Variants in ZNF215 observed in about 807,000 individuals in gnomAD.
The protein encoded by ZNF215 is zinc finger protein 215, also known as BWSCR2-associated zinc finger protein 2.
In ZNF215, 24 loss-of-function variants were observed where a neutral mutation model predicts 27.2. That is an observed-to-expected ratio of 0.88 (90% CI 0.64 to 1.24). The LOEUF is 1.24. Ranked by LOEUF, ZNF215 falls within the 50% of genes most tolerant of loss-of-function variation. The pLI, the probability that ZNF215 is intolerant of heterozygous loss-of-function variation, is 0.00. For missense variants in ZNF215, 675 were observed against 605.7 expected (o/e 1.11, Z -1.20); for synonymous variants, 210 against 204.0 (o/e 1.03, Z -0.25).
At chr11:6,947,829 T>A (rs529095022) in intron 6 of ZNF215, among the ~76,000 whole-genome samples, 4 of 152,324 alleles carry the variant, frequency 2.6e-5, no homozygotes, top group South Asian at 4.1e-4. Context: ...AGGGCTCAAA[T>A]GGGATGGAAT....
chr11:6,930,621 A>G (rs770826684), intron 2 of ZNF215, among the ~76,000 whole-genome samples: 7 of 152,224 alleles, frequency 4.6e-5, no homozygotes, highest in African/African-American at 1.2e-4. Flanking sequence ...AGGCATTGCC[A>G]TGGACAAGGT....
intron 3 of ZNF215, 67 bp from the exon 4 acceptor site, chr11:6,941,504 C>A: frequency 2.2e-6 from 3 of 1,365,822 alleles, no homozygotes; most frequent in Admixed American, 2.0e-5. Flanking sequence ...ATTAAAACAA[C>A]TATAATTATT....
In ZNF215 at chr11:6,973,174, G is replaced by T. The variant is rs536176765; in HGVS notation, c.806-10955G>T. Among the ~76,000 whole-genome samples the T allele has an allele frequency of 5.3e-5, 8 of 152,166 alleles. No individual in the cohort carries two copies. In the South Asian group the frequency reaches 1.7e-3, roughly 32 times the overall value. Reference sequence around the variant, plus strand: ...TGGTTTTCTGTCCTTGCAATAGTTTGCTCAGAATGATGGTTTCCAGCTTCA... The same window carrying T: ...TGGTTTTCTGTCCTTGCAATAGTTTTCTCAGAATGATGGTTTCCAGCTTCA... On this transcript the variant is annotated intron_variant, in intron 5 of 5. Coordinates refer to the ZNF215 transcript ENST00000529903.
downstream of ZNF215, among the ~76,000 whole-genome samples, chr11:6,985,995 A>C (rs1292500051): frequency 6.6e-6 from 1 of 152,172 alleles, no homozygotes; most frequent in Non-Finnish European, 1.5e-5. Flanking sequence ...TTAAACTATC[A>C]ACATAATTTT....
intron 6 of ZNF215, among the ~76,000 whole-genome samples, chr11:6,948,675 A>G (rs928965378): frequency 5.3e-5 from 8 of 152,218 alleles, no homozygotes; most frequent in Non-Finnish European, 1.0e-4. Context: ...TTGGTCACCA[A>G]TAAATGTTGG....
Position 6,957,635 on chromosome 11 carries a change from C to T in ZNF215, c.*1104C>T. The T allele has an allele frequency of 1.9e-6, 1 of 539,746 alleles. No individual in the cohort carries two copies. Among genetic ancestry groups the T allele is most frequent in the Non-Finnish European group, 2.4e-6 (1 of 423,004 alleles). The allele number at this position is 539,746 out of a possible 1,614,324, so 33.4% of individuals were successfully genotyped here. On this transcript the variant is annotated 3_prime_UTR_variant, in exon 7 of 7. Transcript: ENST00000278319. ...CCAGACATTTGCCTTAGGAACTTAA[C>T]TCTTGTTTGTATCCATTAGTCTATG... is the stretch of plus-strand genomic sequence containing the variant.
At chr11:6,970,779 A>G (rs1168522178) in intron 5 of ZNF215, among the ~76,000 whole-genome samples, 1 of 152,142 alleles carries the variant, frequency 6.6e-6, no homozygotes, top group Non-Finnish European at 1.5e-5. Flanking sequence ...CTACTACAAC[A>G]TATGCTCTGC....
intron 2 of ZNF215, among the ~76,000 whole-genome samples, chr11:6,928,359 C>G (rs1849134204): frequency 6.6e-6 from 1 of 152,122 alleles, no homozygotes; most frequent in Non-Finnish European, 1.5e-5. Context: ...TATTGTATCA[C>G]TGTTGACTTC....
chr11:6,974,711 A>C (rs916553927), intron 5 of ZNF215, among the ~76,000 whole-genome samples: 6 of 152,130 alleles, frequency 3.9e-5, no homozygotes, highest in African/African-American at 1.4e-4. Context: ...ATTGATGTAT[A>C]AGAATGCTTG....
At chr11:6,988,613 T>G (rs1385453754), downstream of ZNF215, 1 of 152,116 alleles carries the variant, frequency 6.6e-6, no homozygotes, top group Non-Finnish European at 1.5e-5. Context: ...AAGACTTAGG[T>G]GTCCTATCAC....
intron 5 of ZNF215, among the ~76,000 whole-genome samples, chr11:6,973,051 C>G (rs1438154173): frequency 6.6e-6 from 1 of 151,998 alleles, no homozygotes; most frequent in Non-Finnish European, 1.5e-5. Flanking sequence ...TGCTTTCCCT[C>G]CCACCCCACA....
chr11:6,959,379 T>G (rs984831797), downstream of ZNF215, among the ~76,000 whole-genome samples: 2 of 152,178 alleles, frequency 1.3e-5, no homozygotes, highest in African/African-American at 2.4e-5. Flanking sequence ...TGTAAGCCAC[T>G]TTAGAAGTTT....
At chr11:6,928,938 C>T (rs2122185) in intron 2 of ZNF215, among the ~76,000 whole-genome samples, 134,270 of 152,040 alleles carry the variant, frequency 0.88, 60,245 homozygotes, top group East Asian at 1. Flanking sequence ...GTTGTATTGA[C>T]GGTGGGCCTT....
rs151065298 is a variant in ZNF215, at chr11:6,966,207, G to C, written c.805+10425G>C. The stretch of plus-strand genomic sequence containing the variant: ...AAAGAATGAAATCATGTCCTTTGCA[G>C]CGGCATGGATGGAGCTGGAGGCCAT... On this transcript the variant is annotated intron_variant, in intron 5 of 5. Coordinates refer to the ZNF215 transcript ENST00000529903. Among the ~76,000 whole-genome samples the C allele has an allele frequency of 2.7e-3, 417 of 152,218 alleles. 1 individual carries two copies. The highest frequency in any genetic ancestry group is 5.8e-3 in the Admixed American group (88 of 15,268).
chr11:6,946,589 G>A (rs375347235), intron 6 of ZNF215, among the ~76,000 whole-genome samples: 13 of 152,214 alleles, frequency 8.5e-5, no homozygotes, highest in African/African-American at 3.1e-4. Flanking sequence ...TCTTCCCCCC[G>A]TTCTTTACCT....
downstream of ZNF215, among the ~76,000 whole-genome samples, chr11:6,986,354 C>G (rs913964678): frequency 6.6e-6 from 1 of 152,072 alleles, no homozygotes; most frequent in Non-Finnish European, 1.5e-5. Context: ...AGATCCCTAC[C>G]TAACACCATA....
At chr11:6,982,535 A>T (rs1850977534) in intron 5 of ZNF215, among the ~76,000 whole-genome samples, 3 of 152,228 alleles carry the variant, frequency 2.0e-5, no homozygotes, top group African/African-American at 7.2e-5. Context: ...AATCTAAAAG[A>T]TCAGAAATTA....
At position 6,932,618 on chromosome 11, in the gene ZNF215, AG is replaced by A; in HGVS notation, c.347del (p.Ser116IlefsTer5). 4 of 1,614,148 alleles carry A rather than the reference AG, an allele frequency of 2.5e-6. No homozygotes were observed. Among genetic ancestry groups the A allele is most frequent in the Non-Finnish European group, 2.5e-6 (3 of 1,179,988 alleles). ...GGTGAATTTACAACATCCAAACAAC[AG>A]TAAAGATATGGTGACCCTCATAGAA... ...TWVNLQHPNN[S>X]KDMVTLIEDV... On this transcript the variant is annotated frameshift_variant, in exon 3 of 7. Coordinates refer to ENST00000278319, the MANE Select transcript of ZNF215 (RefSeq NM_013250.4). LOFTEE classifies it high-confidence loss of function.
chr11:6,979,361 C>A (rs912855686), intron 5 of ZNF215, among the ~76,000 whole-genome samples: 2 of 151,748 alleles, frequency 1.3e-5, no homozygotes, highest in African/African-American at 2.4e-5. Flanking sequence ...TATATTAGAA[C>A]AAGCTGAGTC....
Sources: gnomAD v4.1 joint callset for allele counts (sites outside exome capture counted in the v4.1 genomes callset) on GRCh38, gnomAD v4.1.1 for gene constraint, MANE v1.5 for transcripts, NCBI Gene and HGNC (gene_info 2026-07-23, HGNC 2026-07-21) for gene names.